PDPR: variants seen among roughly 807,000 people sequenced by gnomAD.
PDPR encodes pyruvate dehydrogenase phosphatase regulatory subunit, mitochondrial.
A neutral mutation model predicts 102.2 loss-of-function variants in PDPR; 50 were observed. The observed-to-expected ratio is 0.49, with a 90% CI of 0.39 to 0.62. PDPR has a LOEUF of 0.62. PDPR is among the 20% of genes least tolerant of loss of function. The pLI is 0.00. For missense variants in PDPR, 625 were observed against 1,098.2 expected, an observed-to-expected ratio of 0.57 and a Z score of 6.09; for synonymous variants, 259 against 406.0, an observed-to-expected ratio of 0.64 and a Z score of 4.35.
upstream of PDPR, chr16:70,113,832 T>C (rs1174585740): frequency 6.7e-6 from 1 of 148,680 alleles, no homozygotes; most frequent in African/African-American, 2.5e-5. Context: ...TCCGATCTAC[T>C]CTGTGAGAGC....
intron 15 of PDPR, among the ~76,000 whole-genome samples, chr16:70,145,355 C>G (rs1328407815): frequency 6.6e-6 from 1 of 152,256 alleles, no homozygotes; most frequent in Non-Finnish European, 1.5e-5. Context: ...CCAGGCTGGT[C>G]TTGAACTCTT....
At position 70,120,732 on chromosome 16, in the gene PDPR, C is replaced by T. The variant is rs1273146454; in HGVS notation, c.227+13C>T. 3.2e-6 allele frequency: 5 copies of T among 1,543,032 alleles called. No individual in the cohort carries two copies. The highest frequency in any genetic ancestry group is 4.5e-6 in the Non-Finnish European group (5 of 1,115,484). Reference sequence around the variant, plus strand: ...TGGAGCAGGGCAGGTAAGGATCAGACTGCATTTGGCTCATGGCTGTGCTGC... The same window carrying T: ...TGGAGCAGGGCAGGTAAGGATCAGATTGCATTTGGCTCATGGCTGTGCTGC... On this transcript the variant is annotated intron_variant, in intron 3 of 18. Coordinates refer to ENST00000288050, the MANE Select transcript of PDPR (RefSeq NM_017990.5).
At chr16:70,153,173 T>C (rs931570165) in intron 17 of PDPR, among the ~76,000 whole-genome samples, 1 of 152,288 alleles carries the variant, frequency 6.6e-6, no homozygotes, top group African/African-American at 2.4e-5. Flanking sequence ...TGAAAAGACA[T>C]GGATCCTGTT....
chr16:70,129,902 A>G (rs1191622528), intron 6 of PDPR, among the ~76,000 whole-genome samples: 1 of 152,282 alleles, frequency 6.6e-6, no homozygotes, highest in East Asian at 1.9e-4. Flanking sequence ...ATTGTGTTCC[A>G]AAGTCTGTTT....
At chr16:70,139,204 C>A (rs1301598493) in intron 11 of PDPR, among the ~76,000 whole-genome samples, 181 bp downstream of exon 11, 1 of 152,240 alleles carries the variant, frequency 6.6e-6, no homozygotes, top group African/African-American at 2.4e-5. Flanking sequence ...ATATACGTAA[C>A]ATTTTCTTTA....
chr16:70,151,685 A>G (rs553261041), intron 17 of PDPR, among the ~76,000 whole-genome samples: 17 of 152,386 alleles, frequency 1.1e-4, no homozygotes, highest in African/African-American at 4.1e-4. Flanking sequence ...CCTTGGTTTC[A>G]GCTTTCTGAT....
chr16:70,127,098 T>A (rs1473082686), intron 3 of PDPR, among the ~76,000 whole-genome samples, 162 bp from the exon 4 acceptor site: 1 of 152,262 alleles, frequency 6.6e-6, no homozygotes, highest in African/African-American at 2.4e-5. Context: ...TCCTCAGTCC[T>A]CCTACCTTGG....
rs772515444 is a variant in PDPR at position 70,143,683 on chromosome 16, T to C, written c.1754+25T>C. On this transcript the variant is annotated intron_variant, in intron 14 of 18. Transcript: ENST00000288050. ...GGTGAGATGAGCTGCCGTCCCGCTC[T>C]GCTCCCTCCAACATGTTGATTCCTT... The C allele has an allele frequency of 8.1e-6, 13 of 1,611,758 alleles. No individual in the cohort carries two copies. In the South Asian group the frequency reaches 1.4e-4, roughly 18 times the overall value.
chr16:70,152,607 A>C (rs974562378), intron 17 of PDPR, among the ~76,000 whole-genome samples: 1 of 152,288 alleles, frequency 6.6e-6, no homozygotes, highest in African/African-American at 2.4e-5. Context: ...TCATAGAAAC[A>C]TACTGTGCTA....
chr16:70,133,856 C>T (rs973161010), intron 9 of PDPR, among the ~76,000 whole-genome samples: 4 of 152,198 alleles, frequency 2.6e-5, no homozygotes, highest in African/African-American at 9.7e-5. Context: ...GCCTCAGCCT[C>T]CTGAGTAGCT....
chr16:70,124,127 C>T (rs1337666088), intron 3 of PDPR, among the ~76,000 whole-genome samples: 6 of 152,122 alleles, frequency 3.9e-5, no homozygotes, highest in Non-Finnish European at 5.9e-5. Flanking sequence ...CTTTGGGAGG[C>T]CAAGGTGGGT....
At chr16:70,135,603 C>T (rs532241946) in intron 9 of PDPR, among the ~76,000 whole-genome samples, 5 of 152,392 alleles carry the variant, frequency 3.3e-5, no homozygotes, top group South Asian at 2.1e-4. Context: ...CACACTGGTC[C>T]CTTCAAGATT....
rs1271558295 is a variant in PDPR at position 70,153,443 on chromosome 16, T to G, written c.2105T>G (p.Ile702Ser). Reference sequence around the variant, plus strand: ...ATGAGTGTTGGCCAGAAATACGGAATCCGGAATGCTGGGTATTACGCTCTT... The same window carrying G: ...ATGAGTGTTGGCCAGAAATACGGAAGCCGGAATGCTGGGTATTACGCTCTT... ...EVMSVGQKYG[I>S]RNAGYYALRS... is the part of the protein sequence containing the mutation. The change falls in exon 18 of 19, where the codon ATC (isoleucine) becomes AGC (serine). Residue 702 changes from isoleucine to serine, a missense_variant. Physicochemically the swap from Ile to Ser is moderately radical, Grantham distance 142. Coordinates refer to ENST00000288050, the MANE Select transcript of PDPR (RefSeq NM_017990.5). 4 of 1,613,934 alleles carry G rather than the reference T, an allele frequency of 2.5e-6. No individual in the cohort carries two copies. Among genetic ancestry groups the G allele is most frequent in the Non-Finnish European group, 3.4e-6 (4 of 1,179,852 alleles).
intron 13 of PDPR, among the ~76,000 whole-genome samples, chr16:70,143,177 G>GA (rs1965904051): frequency 6.6e-6 from 1 of 151,762 alleles, no homozygotes; most frequent in Non-Finnish European, 1.5e-5. Flanking sequence ...AACAGAGTGA[G>GA]ACTCCATCTC....
At chr16:70,143,426 A>G (rs561609587) in intron 13 of PDPR, 84 bp from the exon 14 acceptor site, 193 of 1,516,026 alleles carry the variant, frequency 1.3e-4, no homozygotes, top group South Asian at 4.9e-4. Context: ...AATTTTCTCA[A>G]TGAGGTTCAT....
At chr16:70,123,795 G>A (rs1382359384) in intron 3 of PDPR, among the ~76,000 whole-genome samples, 1 of 152,272 alleles carries the variant, frequency 6.6e-6, no homozygotes, top group Non-Finnish European at 1.5e-5. Context: ...GCTCACACCT[G>A]TAATCCCAGG....
chr16:70,143,551 C>G lies in PDPR; in HGVS notation c.1647C>G (p.Phe549Leu), dbSNP rs777817787. ...DQALEVLQYL[F>L]SNDLDVPVGH... ...CATTAGAAGTTCTACAGTACCTCTT[C>G]TCCAATGACCTGGATGTGCCTGTGG... Residue 549 changes from phenylalanine (F) to leucine (L), a missense_variant, in exon 14 of 19, where the codon TTC becomes TTG. Physicochemically the swap from Phe to Leu is conservative, Grantham distance 22 (BLOSUM62 0). This residue lies in a region of PDPR where 28 missense variants were observed against 141.2 expected (regional missense o/e 0.20). Transcript: ENST00000288050. 2.5e-6 allele frequency: 4 copies of G among 1,613,608 alleles called. No homozygotes were observed. Among genetic ancestry groups the G allele is most frequent in the Admixed American group, 1.7e-5 (1 of 60,020 alleles).
At chr16:70,151,076 A>G (rs1966697483) in intron 17 of PDPR, among the ~76,000 whole-genome samples, 1 of 152,256 alleles carries the variant, frequency 6.6e-6, no homozygotes. Context: ...CTGGGACTAC[A>G]GGCACACGCC....
chr16:70,145,040 G>GTC (rs1428091034), intron 15 of PDPR, among the ~76,000 whole-genome samples: 1 of 152,198 alleles, frequency 6.6e-6, no homozygotes, highest in Non-Finnish European at 1.5e-5. Flanking sequence ...GGATCATGAG[G>GTC]TCAGGAATTT....
Sources: allele counts gnomAD v4.1 joint callset (sites outside exome capture counted in the v4.1 genomes callset), GRCh38; gene constraint gnomAD v4.1.1; regional missense constraint gnomAD v4.1.1; transcripts MANE v1.5; gene names NCBI Gene and HGNC (gene_info 2026-07-23, HGNC 2026-07-21).